The following BIVM variants were observed in gnomAD, a reference collection of about 807,000 sequenced individuals.
BIVM encodes the protein basic, immunoglobulin-like variable motif containing.
A neutral mutation model predicts 61.4 loss-of-function variants in BIVM; 31 were observed. The ratio of observed to expected loss-of-function variants is 0.51; its 90% CI spans 0.38 to 0.68. The LOEUF is 0.68. Ranked by LOEUF, BIVM falls within the 30% of genes least tolerant of loss-of-function variation. BIVM has a pLI of 0.00. For missense variants in BIVM, 526 were observed against 596.0 expected (o/e 0.88, Z 1.22); for synonymous variants, 189 against 210.7 (o/e 0.90, Z 0.89).
intron 7 of BIVM, among the ~76,000 whole-genome samples, chr13:102,829,864 T>A (rs906558873): frequency 5.0e-5 from 5 of 99,736 alleles, no homozygotes; most frequent in Non-Finnish European, 8.5e-5. Flanking sequence ...ATAAAATAAA[T>A]AATTAAATAA....
intron 10 of BIVM, 43 bp downstream of exon 10, chr13:102,838,782 C>T: frequency 1.3e-6 from 2 of 1,570,072 alleles, no homozygotes; most frequent in Non-Finnish European, 1.7e-6. Flanking sequence ...TCCCAGCTGA[C>T]CAAAATGTGG....
chr13:102,828,036 T>C (rs1880797177), intron 7 of BIVM, among the ~76,000 whole-genome samples: 1 of 152,222 alleles, frequency 6.6e-6, no homozygotes, highest in African/African-American at 2.4e-5. Flanking sequence ...AGCCTGTTTT[T>C]CACAATGGGC....
intron 7 of BIVM, among the ~76,000 whole-genome samples, chr13:102,829,831 C>T (rs1880942166): frequency 6.6e-6 from 1 of 151,254 alleles, no homozygotes; most frequent in Admixed American, 6.6e-5. Flanking sequence ...AGAGCAAGGC[C>T]CTGTCTCAAA....
chr13:102,822,954 G>A (rs544137647), intron 7 of BIVM, among the ~76,000 whole-genome samples: 4 of 152,168 alleles, frequency 2.6e-5, no homozygotes, highest in Non-Finnish European at 5.9e-5. Flanking sequence ...ACAGCGAGGG[G>A]TTTGGGGGTG....
At position 102,807,216 on chromosome 13, in the gene BIVM, CAGAT is replaced by C. The variant is rs140754226; in HGVS notation, c.-48_-45del. On this transcript the variant is annotated 5_prime_UTR_variant, in exon 3 of 11. Coordinates refer to ENST00000257336, the MANE Select transcript of BIVM (RefSeq NM_017693.4). The surrounding 1 kb of genome is among the most constrained non-coding windows in gnomAD (Gnocchi z 4.0). The stretch of plus-strand genomic sequence containing the variant: ...ATTGTCAAAGTTGTTTATCAAGAAA[CAGAT>C]AGAGTTGCAACTTGTTTCTAGTAAT... 7.9e-4 allele frequency: 1,194 copies of C among 1,515,550 alleles called. 7 individuals carry two copies. In the African/African-American group the frequency reaches 8.7e-3, roughly 11 times the overall value. 93.9% of individuals were successfully genotyped at this position (1,515,550 alleles called of 1,614,324 possible).
intron 3 of BIVM, among the ~76,000 whole-genome samples, chr13:102,815,419 T>A (rs1282988761): frequency 6.6e-6 from 1 of 152,216 alleles, no homozygotes; most frequent in African/African-American, 2.4e-5. Flanking sequence ...AGTATTTTAA[T>A]GAAATGAGGC....
At chr13:102,810,576 A>T (rs1879429798) in intron 3 of BIVM, among the ~76,000 whole-genome samples, 1 of 152,238 alleles carries the variant, frequency 6.6e-6, no homozygotes, top group African/African-American at 2.4e-5. Flanking sequence ...CTTCGTCCAC[A>T]CTTAACTTTC....
intron 4 of BIVM, among the ~76,000 whole-genome samples, chr13:102,817,685 A>AT (rs76881766): frequency 2.3e-3 from 331 of 144,008 alleles, no homozygotes; most frequent in African/African-American, 2.6e-3. Context: ...CAAAATTCCA[A>AT]TTTTTTTTTT....
intron 3 of BIVM, among the ~76,000 whole-genome samples, chr13:102,812,808 T>A (rs1879592455): frequency 6.6e-6 from 1 of 152,184 alleles, no homozygotes; most frequent in Non-Finnish European, 1.5e-5. Flanking sequence ...GGGAGGGGCT[T>A]GCAACATTGG....
intron 3 of BIVM, among the ~76,000 whole-genome samples, chr13:102,815,633 TA>T (rs905841645): frequency 3.3e-5 from 5 of 152,136 alleles, no homozygotes; most frequent in Admixed American, 6.5e-5. Flanking sequence ...TCTCAAAAAT[TA>T]AAAAAAATTA....
chr13:102,831,317 G>A (rs182101308), intron 7 of BIVM, among the ~76,000 whole-genome samples: 2 of 152,304 alleles, frequency 1.3e-5, no homozygotes, highest in East Asian at 3.9e-4. Context: ...GAAGGTTTTG[G>A]TAAGCAAGGA....
At chr13:102,823,060 G>A (rs892292408) in intron 7 of BIVM, among the ~76,000 whole-genome samples, 4 of 152,172 alleles carry the variant, frequency 2.6e-5, no homozygotes, top group Non-Finnish European at 5.9e-5. Context: ...ATCAGGAGTT[G>A]GCAGGGGACG....
At chr13:102,812,631 T>C (rs1879577241) in intron 3 of BIVM, among the ~76,000 whole-genome samples, 1 of 152,188 alleles carries the variant, frequency 6.6e-6, no homozygotes. Context: ...TCTGAGTGTG[T>C]ACAGTGATTT....
chr13:102,840,558 C>T lies in BIVM; in HGVS notation c.*693C>T, dbSNP rs867450852. 2 of 152,176 alleles carry T rather than the reference C, an allele frequency of 1.3e-5. No homozygotes were observed. The highest frequency in any genetic ancestry group is 6.6e-5 in the Admixed American group (1 of 15,240). The allele number at this position is 152,176 out of a possible 1,614,324, so 9.4% of individuals were successfully genotyped here. A position where few individuals can be genotyped will look rare whatever the true frequency, so the allele number is the denominator to read the frequency against. ...AATTAGCCGGGTGTAGTGGTGGGCA[C>T]CTGTAGTCCTAGCTACTCGAGAGGC... On this transcript the variant is annotated 3_prime_UTR_variant, in exon 11 of 11. Transcript: ENST00000257336.
At chr13:102,818,968 A>C (rs1481044387) in intron 4 of BIVM, among the ~76,000 whole-genome samples, 1 of 152,234 alleles carries the variant, frequency 6.6e-6, no homozygotes, top group African/African-American at 2.4e-5. Context: ...CACTGTTAGT[A>C]TTGGACTTGT....
Position 102,841,504 on chromosome 13 carries a change from A to G in BIVM, c.*1639A>G, listed in dbSNP as rs908728401. Reference sequence around the variant, plus strand: ...ATACTGGAACTTTTAAAAAGATTTCATCAAATAAAGTTTTGTTTTCTACTT... The same window carrying G: ...ATACTGGAACTTTTAAAAAGATTTCGTCAAATAAAGTTTTGTTTTCTACTT... On this transcript the variant is annotated 3_prime_UTR_variant, in exon 11 of 11. Transcript: ENST00000257336. 4 of 152,626 alleles carry G rather than the reference A, an allele frequency of 2.6e-5. No homozygotes were observed. The highest frequency in any genetic ancestry group is 2.6e-4 in the Admixed American group (4 of 15,278). 9.5% of individuals were successfully genotyped at this position (152,626 alleles called of 1,614,324 possible).
chr13:102,807,441 A>T lies in BIVM; in HGVS notation c.174A>T (p.Pro58=). The part of the protein sequence containing the change: ...KGDGHYPWSC[P]VTHTREKIYA... Reference sequence around the variant, plus strand: ...ATGGTCATTATCCATGGAGTTGTCCAGTGACTCATACACGGGAAAAAATTT... The same window carrying T: ...ATGGTCATTATCCATGGAGTTGTCCTGTGACTCATACACGGGAAAAAATTT... The change falls in exon 3 of 11, where the codon CCA becomes CCT. Residue 58 remains proline (P), a synonymous_variant. Coordinates refer to ENST00000257336, the MANE Select transcript of BIVM (RefSeq NM_017693.4). The surrounding 1 kb of genome is among the most constrained non-coding windows in gnomAD (Gnocchi z 4.0). The T allele has an allele frequency of 6.2e-7, 1 of 1,614,228 alleles. No homozygotes were observed. The highest frequency in any genetic ancestry group is 8.5e-7 in the Non-Finnish European group (1 of 1,180,040).
chr13:102,828,189 T>A (rs1051324071), intron 7 of BIVM, among the ~76,000 whole-genome samples: 3 of 152,182 alleles, frequency 2.0e-5, no homozygotes, highest in African/African-American at 7.2e-5. Flanking sequence ...TAGCTGTTAA[T>A]ATCAGTATTT....
intron 3 of BIVM, 81 bp from the exon 4 acceptor site, chr13:102,816,347 A>G: frequency 7.4e-7 from 1 of 1,345,840 alleles, no homozygotes; most frequent in South Asian, 1.7e-5. Context: ...TTACTTCTTA[A>G]TTTTGGTGCA....
Sources: allele counts gnomAD v4.1 joint callset (sites outside exome capture counted in the v4.1 genomes callset), GRCh38; gene constraint gnomAD v4.1.1; non-coding constraint Gnocchi (gnomAD v3.1); transcripts MANE v1.5; gene names NCBI Gene and HGNC (gene_info 2026-07-23, HGNC 2026-07-21).